MROH2B: variants seen among roughly 807,000 people sequenced by gnomAD.
MROH2B encodes the protein maestro heat like repeat family member 2B, also known as maestro heat-like repeat-containing protein family member 2B.
A neutral mutation model predicts 208.6 loss-of-function variants in MROH2B; 177 were observed. That is an observed-to-expected ratio of 0.85 (90% CI 0.75 to 0.96). The LOEUF (loss-of-function observed/expected upper bound fraction) is 0.96. MROH2B is among the 40% of genes least tolerant of loss of function. The pLI is 0.00. For synonymous variants in MROH2B, 728 were observed against 659.0 expected (o/e 1.10, Z -1.60); for missense variants, 2,002 against 1,878.7 (o/e 1.07, Z -1.21).
At position 41,039,487 on chromosome 5, in the gene MROH2B, T is replaced by A; in HGVS notation, c.2022A>T (p.Thr674=). ...HLDIVLKVLK[T]FQNQEKFFMN... ...TGAAAAACTTTTCCTGATTTTGGAA[T>A]GTTTTAAGAACTTTTAAAACAATAT... Residue 674 remains threonine, a synonymous_variant, in exon 20 of 42, where the codon ACA becomes ACT. Coordinates refer to ENST00000399564, the MANE Select transcript of MROH2B (RefSeq NM_173489.5). The A allele has an allele frequency of 6.2e-7, 1 of 1,605,596 alleles. No individual in the cohort carries two copies. Among genetic ancestry groups the A allele is most frequent in the Non-Finnish European group, 8.5e-7 (1 of 1,175,286 alleles).
rs752206026 is a variant in MROH2B at position 41,012,657 on chromosome 5, G to C, written c.3061C>G (p.Pro1021Ala). 29 of 1,613,758 alleles carry C rather than the reference G, an allele frequency of 1.8e-5. No individual in the cohort carries two copies. The highest frequency in any genetic ancestry group is 2.5e-6 in the Non-Finnish European group (3 of 1,179,830). ...ATGCCACAGGCCTTTGTACAAGTGG[G>C]GTTGAGGCTCTCCAGACCGTCCAGC... ...EMLDGLESLN[P>A]TCTKACGIWM... The change falls in exon 30 of 42, where the codon CCC (proline) becomes GCC (alanine). Residue 1021 changes from proline to alanine, a missense_variant. Physicochemically the swap from Pro to Ala is conservative, Grantham distance 27 (BLOSUM62 -1). Coordinates refer to ENST00000399564, the MANE Select transcript of MROH2B (RefSeq NM_173489.5).
intron 37 of MROH2B, among the ~76,000 whole-genome samples, chr5:41,003,198 T>C (rs1036912698): frequency 1.3e-5 from 2 of 152,098 alleles, no homozygotes; most frequent in South Asian, 2.1e-4. Context: ...TGACCTCAGG[T>C]GATCCACCTG....
At chr5:41,063,008 T>A (rs1173820406) in intron 5 of MROH2B, among the ~76,000 whole-genome samples, 2 of 152,180 alleles carry the variant, frequency 1.3e-5, no homozygotes, top group African/African-American at 4.8e-5. Flanking sequence ...AATGGCTGGA[T>A]GGCTGAATGG....
intron 2 of MROH2B, among the ~76,000 whole-genome samples, chr5:41,067,442 C>T (rs1021192890): frequency 5.9e-5 from 9 of 152,166 alleles, no homozygotes; most frequent in Non-Finnish European, 1.0e-4. Flanking sequence ...TCTCAGCTCA[C>T]TGCAACCTCT....
At chr5:41,070,768 C>T in intron 1 of MROH2B, 57 bp downstream of exon 1, 1 of 1,577,106 alleles carries the variant, frequency 6.3e-7, no homozygotes, top group South Asian at 1.1e-5. Flanking sequence ...ACTTATAATT[C>T]CACAGAAACA....
chr5:41,001,728 G>A (rs60207169), intron 37 of MROH2B, among the ~76,000 whole-genome samples: 30,284 of 146,960 alleles, frequency 0.21, 3,415 homozygotes, highest in Middle Eastern at 0.32. Flanking sequence ...AAAAAAGAAA[G>A]AAAAAAAAAA....
intron 19 of MROH2B, among the ~76,000 whole-genome samples, chr5:41,040,264 C>T (rs1742901697): frequency 6.6e-6 from 1 of 152,140 alleles, no homozygotes; most frequent in African/African-American, 2.4e-5. Context: ...TTGTTTCACA[C>T]TCTGAGGTTA....
At chr5:41,070,677 T>A in intron 1 of MROH2B, 148 bp downstream of exon 1, 1 of 666,158 alleles carries the variant, frequency 1.5e-6, no homozygotes, top group Non-Finnish European at 2.5e-6. Context: ...GATTTTATTA[T>A]GTATTTAGCA....
At chr5:41,036,773 C>T (rs1742773137) in intron 21 of MROH2B, among the ~76,000 whole-genome samples, 1 of 151,946 alleles carries the variant, frequency 6.6e-6, no homozygotes. Flanking sequence ...ACGTGTACCT[C>T]CTGTATCTAA....
At chr5:41,007,519 T>C in intron 33 of MROH2B, 65 bp from the exon 34 acceptor site, 1 of 1,349,698 alleles carries the variant, frequency 7.4e-7, no homozygotes, top group Non-Finnish European at 9.6e-7. Flanking sequence ...AATTCCCAAG[T>C]TTGCCTTTCC....
intron 6 of MROH2B, among the ~76,000 whole-genome samples, chr5:41,059,224 CT>C (rs1463484727): frequency 6.6e-6 from 1 of 152,044 alleles, no homozygotes; most frequent in Admixed American, 6.6e-5. Context: ...CCACTAGAAT[CT>C]TGCTGCCATT....
In MROH2B at chr5:41,058,168, CA is replaced by C; in HGVS notation, c.650del (p.Val217GlyfsTer22). 1 of 1,604,126 alleles carries C rather than the reference CA, an allele frequency of 6.2e-7. No homozygotes were observed. Among genetic ancestry groups the C allele is most frequent in the Non-Finnish European group, 8.5e-7 (1 of 1,174,940 alleles). ...AGTCTTCCCGATGCAGCAGCAAGCT[CA>C]CCGTGGGCCCGTGGGCCTTAACGAT... is the stretch of plus-strand genomic sequence containing the variant. ...LSIVKAHGPT[V>X]SLLLHREDFR... On this transcript the variant is annotated frameshift_variant, in exon 7 of 42. Transcript: ENST00000399564. LOFTEE classifies it high-confidence loss of function.
intron 30 of MROH2B, among the ~76,000 whole-genome samples, chr5:41,010,344 A>C (rs187261360): frequency 9.2e-5 from 14 of 152,342 alleles, no homozygotes; most frequent in African/African-American, 3.1e-4. Context: ...TTTACCAAAG[A>C]TGAAAAAGAT....
intron 28 of MROH2B, among the ~76,000 whole-genome samples, chr5:41,016,500 T>TTTTTTTTC (rs1741955433): frequency 7.7e-6 from 1 of 129,370 alleles, no homozygotes; most frequent in Non-Finnish European, 1.6e-5. Flanking sequence ...ACTGTAATGT[T>TTTTTTTTC]TTTTTTTTTT....
intron 21 of MROH2B, among the ~76,000 whole-genome samples, chr5:41,036,145 C>G (rs549335576): frequency 6.6e-6 from 1 of 151,976 alleles, no homozygotes; most frequent in Non-Finnish European, 1.5e-5. Flanking sequence ...CACACACACA[C>G]ACACACACCC....
Position 41,056,960 on chromosome 5 carries a change from C to T in MROH2B, c.919+149G>A, listed in dbSNP as rs569287634. On this transcript the variant is annotated intron_variant, in intron 9 of 41. Transcript: ENST00000399564. ...TCCTGGGAACTTGTGGGGAGAGGGG[C>T]AGGCACAGAAAACTGTGAGCTAAAG... The T allele has an allele frequency of 1.6e-5, 13 of 789,420 alleles. No homozygotes were observed. The Admixed American group carries it at 2.7e-4, about 16-fold the overall frequency. 48.9% of individuals were successfully genotyped at this position (789,420 alleles called of 1,614,324 possible).
chr5:41,047,645 C>T lies in MROH2B; in HGVS notation c.1728+76G>A, dbSNP rs183009694. The T allele has an allele frequency of 9.0e-4, 1,168 of 1,293,950 alleles. 1 individual carries two copies. Among genetic ancestry groups the T allele is most frequent in the Non-Finnish European group, 1.1e-3 (1,051 of 920,334 alleles). The allele number at this position is 1,293,950 out of a possible 1,614,324, so 80.2% of individuals were successfully genotyped here. On this transcript the variant is annotated intron_variant, in intron 17 of 41. Transcript: ENST00000399564. ...GTTTATTATCCTCAGGAATCTAGTTCCTTTAATTTAGGATGGGTAACTTCA... is the reference window on the plus strand; with the variant it reads ...GTTTATTATCCTCAGGAATCTAGTTTCTTTAATTTAGGATGGGTAACTTCA...
At position 41,069,752 on chromosome 5, in the gene MROH2B, T is replaced by A; in HGVS notation, c.29A>T (p.Glu10Val). Residue 10 changes from glutamate (E) to valine (V), a missense_variant and splice_region_variant, in exon 2 of 42, where the codon GAG becomes GTG. Glu to Val is a moderately radical substitution (Grantham distance 121). Coordinates refer to ENST00000399564, the MANE Select transcript of MROH2B (RefSeq NM_173489.5). ...AGTGAGGTTAATATCCCCAAACATC[T>A]CTAAAACGTACAGAAAAATATGAAT... MTLSTEESI[E>V]MFGDINLTLG... is the part of the protein sequence containing the mutation. 1 of 1,594,346 alleles carries A rather than the reference T, an allele frequency of 6.3e-7. No homozygotes were observed. The highest frequency in any genetic ancestry group is 1.1e-5 in the South Asian group (1 of 88,792).
intron 6 of MROH2B, 48 bp from the exon 7 acceptor site, chr5:41,058,251 T>G: frequency 7.0e-7 from 1 of 1,424,094 alleles, no homozygotes; most frequent in Non-Finnish European, 9.3e-7. Context: ...CCTTATGTTT[T>G]TCATAGGTTT....
Sources: allele counts gnomAD v4.1 joint callset (sites outside exome capture counted in the v4.1 genomes callset), GRCh38; gene constraint gnomAD v4.1.1; transcripts MANE v1.5; gene names NCBI Gene and HGNC (gene_info 2026-07-23, HGNC 2026-07-21).